The following UMODL1 variants were observed in gnomAD, a reference collection of about 807,000 sequenced individuals.
UMODL1 encodes uromodulin-like 1.
Under a neutral mutation model 136.3 loss-of-function variants are expected in UMODL1, and 128 were observed. The observed-to-expected ratio is 0.94, with a 90% CI of 0.81 to 1.09. The LOEUF (loss-of-function observed/expected upper bound fraction) is 1.09. Ranked by LOEUF, UMODL1 falls within the 50% of genes least tolerant of loss-of-function variation. The pLI is 0.00. For missense variants in UMODL1, 1,766 were observed against 1,725.6 expected, an observed-to-expected ratio of 1.02 and a Z score of -0.41; for synonymous variants, 721 against 720.0, an observed-to-expected ratio of 1.00 and a Z score of -0.02.
At chr21:42,083,404 C>T (rs2066385843) in intron 2 of UMODL1, among the ~76,000 whole-genome samples, 1 of 152,212 alleles carries the variant, frequency 6.6e-6, no homozygotes, top group South Asian at 2.1e-4. Flanking sequence ...CTGATCTCCC[C>T]AGGGACCCAT....
rs2036573026 is a variant in UMODL1, at chr21:42,126,396, G to A, written c.3199G>A (p.Glu1067Lys). 6.2e-7 allele frequency: 1 copy of A among 1,614,098 alleles called. No homozygotes were observed. Among genetic ancestry groups the A allele is most frequent in the Non-Finnish European group, 8.5e-7 (1 of 1,180,042 alleles). ...CACGCTGAGGAACGACCTGTCCCAG[G>A]AGGGCATCATCCACCACCTGAAGAT... Reference protein sequence around the residue: ...RTTLRNDLSQEGIIHHLKILS... With the variant: ...RTTLRNDLSQKGIIHHLKILS... The change falls in exon 18 of 23, where the codon GAG becomes AAG. Residue 1067 changes from glutamate (E) to lysine (K), a missense_variant. Glu to Lys is a moderately conservative substitution (Grantham distance 56). Coordinates refer to ENST00000408910, the MANE Select transcript of UMODL1 (RefSeq NM_001004416.3).
At chr21:42,108,226 G>C in intron 9 of UMODL1, 1 of 467,974 alleles carries the variant, frequency 2.1e-6, no homozygotes. Flanking sequence ...TGCCTCTGCT[G>C]TCCTCCGTGG....
chr21:42,127,596 C>T (rs1438479100), intron 19 of UMODL1, 76 bp from the exon 20 acceptor site: 22 of 1,465,468 alleles, frequency 1.5e-5, no homozygotes, highest in East Asian at 2.4e-5. Context: ...CAGATGTAGT[C>T]GTGAGTAAAC....
chr21:42,137,035 C>T (rs1379942978), intron 21 of UMODL1, among the ~76,000 whole-genome samples: 2 of 152,182 alleles, frequency 1.3e-5, no homozygotes, highest in South Asian at 2.1e-4. Flanking sequence ...AGATTACAGT[C>T]GTCAGCCACT....
chr21:42,063,101 C>T (rs1265828496), exon 1 of UMODL1: 7 of 152,274 alleles, frequency 4.6e-5, no homozygotes, highest in Non-Finnish European at 1.0e-4. Flanking sequence ...CCTCCATGCA[C>T]CTCAAATCTC....
chr21:42,123,968 G>A lies in UMODL1; in HGVS notation c.3147+818G>A, dbSNP rs748079073. 7.2e-5 allele frequency among the ~76,000 whole-genome samples: 11 copies of A among 152,172 alleles called. No individual in the cohort carries two copies. Among genetic ancestry groups the A allele is most frequent in the Non-Finnish European group, 1.5e-4 (10 of 68,024 alleles). Reference sequence around the variant, plus strand: ...TGGGTTTTCCTGGCCTGAGGCCTTCGCACCTCTGTGTGCACAGATGGGCTC... The same window carrying A: ...TGGGTTTTCCTGGCCTGAGGCCTTCACACCTCTGTGTGCACAGATGGGCTC... On this transcript the variant is annotated intron_variant, in intron 17 of 22. Transcript: ENST00000408910. The surrounding 1 kb of genome is among the most constrained non-coding windows in gnomAD (Gnocchi z 4.4).
intron 9 of UMODL1, among the ~76,000 whole-genome samples, chr21:42,105,450 G>A (rs2066701936): frequency 6.6e-6 from 1 of 152,228 alleles, no homozygotes; most frequent in African/African-American, 2.4e-5. Context: ...GGGATGTCGT[G>A]GGTAGAATGG....
chr21:42,103,079 T>TA (rs1277711940), intron 8 of UMODL1: 1 of 158,600 alleles, frequency 6.3e-6, no homozygotes, highest in Admixed American at 5.9e-5. Flanking sequence ...AAGGAGACAT[T>TA]ATCTGTTACA....
At chr21:42,135,711 G>A (rs927980170) in intron 21 of UMODL1, among the ~76,000 whole-genome samples, 1 of 152,138 alleles carries the variant, frequency 6.6e-6, no homozygotes, top group Non-Finnish European at 1.5e-5. Flanking sequence ...TGGGGGCCTC[G>A]GTTTCTTGGG....
chr21:42,085,258 G>C lies in UMODL1; in HGVS notation c.482-33G>C. On this transcript the variant is annotated intron_variant, in intron 3 of 22. Coordinates refer to ENST00000408910, the MANE Select transcript of UMODL1 (RefSeq NM_001004416.3). The surrounding 1 kb of genome is among the most constrained non-coding windows in gnomAD (Gnocchi z 4.5). Reference sequence around the variant, plus strand: ...GCTTTTGTGACTTCAACCTGTCCTGGGTCCATAATCATCAGTGTTTTCCCT... The same window carrying C: ...GCTTTTGTGACTTCAACCTGTCCTGCGTCCATAATCATCAGTGTTTTCCCT... 1 of 1,609,206 alleles carries C rather than the reference G, an allele frequency of 6.2e-7. No individual in the cohort carries two copies. Among genetic ancestry groups the C allele is most frequent in the Non-Finnish European group, 8.5e-7 (1 of 1,176,952 alleles).
In UMODL1 at chr21:42,122,725, C is replaced by T; in HGVS notation, c.2828-106C>T. ...TGGAACATGCGGTTCCCAGGTGTGG[C>T]TGCTGCAGAGTGCAGGGCAGCTCCA... On this transcript the variant is annotated intron_variant, in intron 16 of 22. Coordinates refer to ENST00000408910, the MANE Select transcript of UMODL1 (RefSeq NM_001004416.3). This position sits in a 1 kb window ranked among gnomAD's most constrained non-coding sequence, Gnocchi z 4.3. 8.5e-7 allele frequency: 1 copy of T among 1,170,442 alleles called. No homozygotes were observed. Among genetic ancestry groups the T allele is most frequent in the Non-Finnish European group, 1.2e-6 (1 of 853,218 alleles). 72.5% of individuals were successfully genotyped at this position (1,170,442 alleles called of 1,614,324 possible).
chr21:42,139,637 C>T (rs1375200014), intron 22 of UMODL1, among the ~76,000 whole-genome samples: 1 of 152,158 alleles, frequency 6.6e-6, no homozygotes, highest in East Asian at 1.9e-4. Context: ...AGGAGGGGGA[C>T]ATCCAGCATG....
rs71274595 is a variant in UMODL1 at position 42,071,883 on chromosome 21, CA to C, written c.76+506del. ...CAACATCATGAGACCCCATGTGTAC[CA>C]AAAAAAAAAAAAAATTAGCCAGCCA... On this transcript the variant is annotated intron_variant, in intron 1 of 22. Transcript: ENST00000408910. Among the ~76,000 whole-genome samples, 1,201 of 137,510 alleles carry C rather than the reference CA, an allele frequency of 8.7e-3. 10 individuals are homozygous for C. The highest frequency in any genetic ancestry group is 0.035 in the South Asian group (150 of 4,252). 90.2% of individuals were successfully genotyped at this position (137,510 alleles called of 152,430 possible). A position where few individuals can be genotyped will look rare whatever the true frequency, so the allele number is the denominator to read the frequency against.
intron 21 of UMODL1, 87 bp downstream of exon 21, chr21:42,129,884 T>C: frequency 9.6e-7 from 1 of 1,045,706 alleles, no homozygotes; most frequent in Non-Finnish European, 1.4e-6. Context: ...GTAACTGTTG[T>C]GAAATGCAGA....
At chr21:42,125,697 T>G in intron 17 of UMODL1, among the ~76,000 whole-genome samples, 1 of 152,034 alleles carries the variant, frequency 6.6e-6, no homozygotes, top group Admixed American at 6.5e-5. Flanking sequence ...GTTTCCCTGG[T>G]GAGGGAGGTC....
intron 6 of UMODL1, 80 bp from the exon 7 acceptor site, chr21:42,098,846 T>G: frequency 3.8e-6 from 6 of 1,560,238 alleles, no homozygotes; most frequent in Non-Finnish European, 5.2e-6. Context: ...CAAGTTGAGA[T>G]GAGGCTCTGT....
At chr21:42,121,898 G>A (rs2066977504) in intron 16 of UMODL1, among the ~76,000 whole-genome samples, 1 of 152,208 alleles carries the variant, frequency 6.6e-6, no homozygotes, top group Non-Finnish European at 1.5e-5. Flanking sequence ...ACCCAGCAGG[G>A]AGGGCAGGGC....
intron 3 of UMODL1, among the ~76,000 whole-genome samples, chr21:42,084,600 C>T (rs1436570160): frequency 1.3e-5 from 2 of 152,044 alleles, no homozygotes; most frequent in Non-Finnish European, 2.9e-5. Flanking sequence ...AGGGGCCTGA[C>T]GAGCGCCACA....
intron 15 of UMODL1, among the ~76,000 whole-genome samples, chr21:42,119,888 A>G (rs2066947588): frequency 6.6e-6 from 1 of 152,254 alleles, no homozygotes; most frequent in Admixed American, 6.5e-5. Context: ...GAAAACGATG[A>G]GATGCTGACT....
Sources: allele counts gnomAD v4.1 joint callset (sites outside exome capture counted in the v4.1 genomes callset), GRCh38; gene constraint gnomAD v4.1.1; non-coding constraint Gnocchi (gnomAD v3.1); transcripts MANE v1.5; gene names NCBI Gene and HGNC (gene_info 2026-07-23, HGNC 2026-07-21).